The following CHST9 variants were observed in gnomAD, a reference collection of about 807,000 sequenced individuals.
CHST9 encodes the protein carbohydrate sulfotransferase 9.
In CHST9, 41 loss-of-function variants were observed where a neutral mutation model predicts 44.4. That is an observed-to-expected ratio of 0.92 (90% CI 0.72 to 1.20). The LOEUF is 1.20. Among genes scored for constraint, CHST9 ranks in the 50% most tolerant of loss-of-function variants. CHST9 has a pLI of 0.00. For missense variants in CHST9, 504 were observed against 516.5 expected (o/e 0.98, Z 0.23); for synonymous variants, 171 against 178.4 (o/e 0.96, Z 0.33).
intron 4 of CHST9, among the ~76,000 whole-genome samples, chr18:26,977,911 A>G (rs2056643043): frequency 6.6e-6 from 1 of 152,056 alleles, no homozygotes; most frequent in Middle Eastern, 3.2e-3. Context: ...CACCACCTTA[A>G]TAACTTAAAA....
chr18:27,149,099 G>A lies in CHST9; in HGVS notation c.-96-6194C>T, dbSNP rs2058638920. ...TCATATCCTTCACCCACTTTTTGAT[G>A]GGGTTGTTTGTTTTTTTCTTGTAAA... On this transcript the variant is annotated intron_variant, in intron 1 of 5. Transcript: ENST00000618847. Among the ~76,000 whole-genome samples the A allele has an allele frequency of 2.3e-5, 3 of 127,824 alleles. 1 individual carries two copies. The highest frequency in any genetic ancestry group is 3.4e-5 in the Non-Finnish European group (2 of 57,990). 83.9% of individuals were successfully genotyped at this position (127,824 alleles called of 152,430 possible). A position where few individuals can be genotyped will look rare whatever the true frequency, so the allele number is the denominator to read the frequency against.
At chr18:26,964,499 C>G (rs1405014743) in intron 4 of CHST9, among the ~76,000 whole-genome samples, 3 of 152,180 alleles carry the variant, frequency 2.0e-5, no homozygotes, top group Non-Finnish European at 4.4e-5. Flanking sequence ...GATCTAGGCC[C>G]AGCTTACAGT....
At chr18:27,130,650 A>G (rs2058463676) in intron 2 of CHST9, among the ~76,000 whole-genome samples, 1 of 152,230 alleles carries the variant, frequency 6.6e-6, no homozygotes, top group Admixed American at 6.5e-5. Context: ...ATACAATGAT[A>G]TTCTTAGCAG....
At chr18:27,146,504 A>C (rs1367859825) in intron 1 of CHST9, among the ~76,000 whole-genome samples, 1 of 152,216 alleles carries the variant, frequency 6.6e-6, no homozygotes, top group Non-Finnish European at 1.5e-5. Context: ...TTTGGAGATC[A>C]TATATCTATC....
chr18:27,000,879 T>G (rs1443144138), intron 4 of CHST9, among the ~76,000 whole-genome samples: 2 of 152,172 alleles, frequency 1.3e-5, no homozygotes, highest in Non-Finnish European at 2.9e-5. Context: ...TAGCTAACCA[T>G]GCTCTCAAGA....
chr18:26,919,015 T>C (rs549879258), intron 5 of CHST9, among the ~76,000 whole-genome samples: 217 of 152,250 alleles, frequency 1.4e-3, no homozygotes, highest in African/African-American at 4.9e-3. Context: ...GCCTGTCTTA[T>C]ATGGTGGCAG....
intron 1 of CHST9, among the ~76,000 whole-genome samples, chr18:27,165,730 C>A (rs2058784688): frequency 6.6e-6 from 1 of 152,044 alleles, no homozygotes; most frequent in South Asian, 2.1e-4. Context: ...TTTAAAGGAG[C>A]TAATTTTTTA....
rs551420004 is a variant in CHST9 at position 27,046,457 on chromosome 18, G to A, written c.160+2008C>T. Among the ~76,000 whole-genome samples the A allele has an allele frequency of 2.0e-5, 3 of 152,078 alleles. No homozygotes were observed. The South Asian group carries it at 6.2e-4, about 32-fold the overall frequency. ...ACCTAATATTGGTCTTTCTTAGCCA[G>A]GAGATAAACTCAGCTGTAAACAAGA... is the stretch of plus-strand genomic sequence containing the variant. On this transcript the variant is annotated intron_variant, in intron 3 of 5. Coordinates refer to ENST00000618847, the MANE Select transcript of CHST9 (RefSeq NM_031422.6).
intron 4 of CHST9, among the ~76,000 whole-genome samples, chr18:26,947,941 T>A (rs2056189429): frequency 6.6e-6 from 1 of 152,194 alleles, no homozygotes; most frequent in South Asian, 2.1e-4. Context: ...TAAAGACACA[T>A]GCGAACGTAT....
chr18:27,093,975 T>A (rs1047499853), intron 2 of CHST9, among the ~76,000 whole-genome samples: 4 of 152,190 alleles, frequency 2.6e-5, no homozygotes, highest in Admixed American at 6.5e-5. Flanking sequence ...GTTTTTATCT[T>A]CATGTTAAGT....
intron 4 of CHST9, among the ~76,000 whole-genome samples, chr18:27,014,978 TACTC>T (rs979281686): frequency 6.6e-6 from 1 of 152,172 alleles, no homozygotes; most frequent in African/African-American, 2.4e-5. Context: ...CTGCATTCCT[TACTC>T]ATTCATTTCT....
intron 2 of CHST9, among the ~76,000 whole-genome samples, chr18:27,112,601 G>GTGTGTT (rs1399559380): frequency 6.6e-6 from 1 of 150,878 alleles, no homozygotes; most frequent in African/African-American, 2.4e-5. Flanking sequence ...GTGTGTGTGT[G>GTGTGTT]TGTGTGTGTG....
rs533346157 is a variant in CHST9 at position 26,988,238 on chromosome 18, G to A, written c.202+35878C>T. Reference sequence around the variant, plus strand: ...AATAATCACATTAAATATAAATGGTGTAAACATGTCAATTAAAAGATATTT... The same window carrying A: ...AATAATCACATTAAATATAAATGGTATAAACATGTCAATTAAAAGATATTT... On this transcript the variant is annotated intron_variant, in intron 4 of 5. Transcript: ENST00000618847. Among the ~76,000 whole-genome samples, 8 of 152,228 alleles carry A rather than the reference G, an allele frequency of 5.3e-5. No individual in the cohort carries two copies. In the South Asian group the frequency reaches 1.7e-3, roughly 32 times the overall value.
At chr18:26,922,417 TG>T (rs2055674777) in intron 5 of CHST9, among the ~76,000 whole-genome samples, 1 of 152,290 alleles carries the variant, frequency 6.6e-6, no homozygotes, top group African/African-American at 2.4e-5. Flanking sequence ...TTGATTGTTT[TG>T]TTGGAAAAAC....
Position 27,078,647 on chromosome 18 carries a change from A to G in CHST9, c.122-30144T>C, listed in dbSNP as rs1344611012. ...TAACAGGGATCAGAGATGGGACTCA[A>G]GCTGTCCAGATGGCCCCAGAGCAGA... On this transcript the variant is annotated intron_variant, in intron 2 of 5. Coordinates refer to ENST00000618847, the MANE Select transcript of CHST9 (RefSeq NM_031422.6). 5.9e-5 allele frequency among the ~76,000 whole-genome samples: 9 copies of G among 152,174 alleles called. 1 individual carries two copies. Among genetic ancestry groups the G allele is most frequent in the Admixed American group, 5.9e-4 (9 of 15,274 alleles).
chr18:27,053,287 A>AAGAG (rs1568151362), intron 2 of CHST9, among the ~76,000 whole-genome samples: 8 of 136,704 alleles, frequency 5.9e-5, no homozygotes, highest in African/African-American at 2.2e-4. Context: ...AAGGAGAAGG[A>AAGAG]GAAGGAGAAG....
intron 4 of CHST9, among the ~76,000 whole-genome samples, chr18:26,964,687 T>C: frequency 6.6e-6 from 1 of 152,256 alleles, no homozygotes; most frequent in Non-Finnish European, 1.5e-5. Context: ...TTGTCCACTG[T>C]GTGTGCTACA....
Position 27,093,421 on chromosome 18 carries a change from G to A in CHST9, c.122-44918C>T, listed in dbSNP as rs996179115. 5.3e-5 allele frequency among the ~76,000 whole-genome samples: 8 copies of A among 152,218 alleles called. No homozygotes were observed. The East Asian group carries it at 7.7e-4, about 15-fold the overall frequency. On this transcript the variant is annotated intron_variant, in intron 2 of 5. Transcript: ENST00000618847. ...TCCACCCAGTTCGAGCTTCCTGGAC[G>A]CTTTGTTTACCTACTCAAGCCTCAG...
rs377149572 is a variant in CHST9 at position 27,096,853 on chromosome 18, C to T, written c.121+45836G>A. ...TCTCAGCCAAATTCTACCAGATGTACAAAGAGCTGGTACCAATTCTACTGA... is the reference window on the plus strand; with the variant it reads ...TCTCAGCCAAATTCTACCAGATGTATAAAGAGCTGGTACCAATTCTACTGA... On this transcript the variant is annotated intron_variant, in intron 2 of 5. Transcript: ENST00000618847. Among the ~76,000 whole-genome samples the T allele has an allele frequency of 8.6e-5, 13 of 151,970 alleles. No individual in the cohort carries two copies. In the East Asian group the frequency reaches 1.5e-3, roughly 18 times the overall value.
Sources: gnomAD v4.1 joint callset for allele counts (sites outside exome capture counted in the v4.1 genomes callset) on GRCh38, gnomAD v4.1.1 for gene constraint, MANE v1.5 for transcripts, NCBI Gene and HGNC (gene_info 2026-07-23, HGNC 2026-07-21) for gene names.